PPARGC1A: variants seen among roughly 807,000 people sequenced by gnomAD.
PPARGC1A encodes the protein PPARG coactivator 1 alpha, also known as peroxisome proliferator-activated receptor gamma coactivator 1-alpha.
In PPARGC1A, 25 loss-of-function variants were observed where a neutral mutation model predicts 88.7. The observed-to-expected ratio is 0.28, with a 90% CI of 0.21 to 0.39. PPARGC1A has a LOEUF of 0.39. PPARGC1A is among the 10% of genes least tolerant of loss of function. The pLI is 1.00. For synonymous variants in PPARGC1A, 363 were observed against 355.6 expected (o/e 1.02, Z -0.24); for missense variants, 880 against 968.7 (o/e 0.91, Z 1.22).
chr4:24,184,074 T>C, the PPARGC1A span, among the ~76,000 whole-genome samples: 1 of 152,186 alleles, frequency 6.6e-6, no homozygotes, highest in Admixed American at 6.6e-5. Flanking sequence ...TTAGGTGAAG[T>C]GTGATGTTGT....
At chr4:23,962,651 A>G in the PPARGC1A span, among the ~76,000 whole-genome samples, 1 of 152,208 alleles carries the variant, frequency 6.6e-6, no homozygotes, top group South Asian at 2.1e-4. Flanking sequence ...CCTGTTTGCC[A>G]ATGGCTTACT....
the PPARGC1A span, among the ~76,000 whole-genome samples, chr4:24,356,783 CAA>C: frequency 6.6e-6 from 1 of 152,172 alleles, no homozygotes; most frequent in Non-Finnish European, 1.5e-5. Context: ...TTAATCTCTA[CAA>C]AGAGTCATAA....
chr4:24,073,916 G>A, the PPARGC1A span, among the ~76,000 whole-genome samples: 1 of 152,098 alleles, frequency 6.6e-6, no homozygotes, highest in African/African-American at 2.4e-5. Context: ...GGGCAGAACT[G>A]TGATGTCTCT....
chr4:23,846,691 T>C (rs1335186130), intron 2 of PPARGC1A, among the ~76,000 whole-genome samples: 1 of 152,082 alleles, frequency 6.6e-6, no homozygotes. Context: ...CTCTTGACAC[T>C]GGGGATATAG....
chr4:23,821,031 T>C (rs960222322), intron 7 of PPARGC1A, among the ~76,000 whole-genome samples: 2 of 152,158 alleles, frequency 1.3e-5, no homozygotes, highest in Non-Finnish European at 2.9e-5. Context: ...TAGACATCAC[T>C]AATTGATCAT....
the PPARGC1A span, among the ~76,000 whole-genome samples, chr4:24,268,319 A>T: frequency 6.6e-6 from 1 of 152,224 alleles, no homozygotes; most frequent in East Asian, 1.9e-4. Context: ...CACTGCTATG[A>T]GTTCAATCAG....
the PPARGC1A span, among the ~76,000 whole-genome samples, chr4:24,286,655 A>C: frequency 2.0e-5 from 3 of 152,184 alleles, no homozygotes; most frequent in Admixed American, 1.3e-4. Context: ...TCTCTGATCC[A>C]ATTCTGAAAC....
the PPARGC1A span, among the ~76,000 whole-genome samples, chr4:23,942,919 A>G: frequency 6.6e-6 from 1 of 152,224 alleles, no homozygotes; most frequent in Non-Finnish European, 1.5e-5. Flanking sequence ...TCTCAGCACA[A>G]AAAGTCATGT....
the PPARGC1A span, among the ~76,000 whole-genome samples, chr4:24,169,803 A>G: frequency 6.6e-6 from 1 of 152,066 alleles, no homozygotes; most frequent in African/African-American, 2.4e-5. Flanking sequence ...CGCTACTACA[A>G]TCTAGCCTGG....
chr4:23,999,347 A>G, the PPARGC1A span, among the ~76,000 whole-genome samples: 1 of 152,238 alleles, frequency 6.6e-6, no homozygotes, highest in Non-Finnish European at 1.5e-5. Context: ...TGAATCGTAC[A>G]ACAGCTGTTT....
At chr4:23,993,077 C>G in the PPARGC1A span, among the ~76,000 whole-genome samples, 1 of 151,916 alleles carries the variant, frequency 6.6e-6, no homozygotes, top group South Asian at 2.1e-4. Context: ...TCAAAGGCCA[C>G]TAAAACAAAC....
chr4:24,108,535 T>A, the PPARGC1A span, among the ~76,000 whole-genome samples: 2 of 152,160 alleles, frequency 1.3e-5, no homozygotes, highest in African/African-American at 4.8e-5. Context: ...GCCTATTATA[T>A]ATAGGTTAGC....
chr4:24,077,627 G>A, the PPARGC1A span, among the ~76,000 whole-genome samples: 1 of 22,170 alleles, frequency 4.5e-5, no homozygotes, highest in South Asian at 2.1e-3. Flanking sequence ...GTCTAGGGGT[G>A]TGTGTGTGTG....
chr4:24,140,913 C>T, the PPARGC1A span, among the ~76,000 whole-genome samples: 1 of 152,154 alleles, frequency 6.6e-6, no homozygotes, highest in African/African-American at 2.4e-5. Flanking sequence ...ACAGTCCCAT[C>T]CAAAAATGAG....
chr4:24,262,391 A>G, the PPARGC1A span, among the ~76,000 whole-genome samples: 78,376 of 152,064 alleles, frequency 0.52, 20,878 homozygotes, highest in Non-Finnish European at 0.58. Context: ...AAGCACTTCC[A>G]CCATGAAGGT....
chr4:23,931,758 T>C, the PPARGC1A span, among the ~76,000 whole-genome samples: 2 of 152,154 alleles, frequency 1.3e-5, no homozygotes, highest in East Asian at 1.9e-4. Flanking sequence ...AGAGGTGATA[T>C]ATGCTAAGTG....
the PPARGC1A span, among the ~76,000 whole-genome samples, chr4:23,999,686 A>G: frequency 5.9e-5 from 9 of 152,222 alleles, no homozygotes. Flanking sequence ...CTGAATGTCA[A>G]AATGGGAATT....
At chr4:23,960,094 A>C in the PPARGC1A span, among the ~76,000 whole-genome samples, 1 of 152,292 alleles carries the variant, frequency 6.6e-6, no homozygotes, top group Middle Eastern at 3.4e-3. Context: ...AATCTAGGCT[A>C]ACCTTTAAAA....
the PPARGC1A span, among the ~76,000 whole-genome samples, chr4:24,325,646 C>A: frequency 6.6e-6 from 1 of 152,242 alleles, no homozygotes; most frequent in Non-Finnish European, 1.5e-5. Context: ...AGCTGTCTGA[C>A]CGACTCCTTC....
Sources: allele counts gnomAD v4.1 joint callset (sites outside exome capture counted in the v4.1 genomes callset), GRCh38; gene constraint gnomAD v4.1.1; transcripts MANE v1.5; gene names NCBI Gene and HGNC (gene_info 2026-07-23, HGNC 2026-07-21).